ACER3: variants seen among roughly 807,000 people sequenced by gnomAD.
ACER3 encodes the protein alkaline ceramidase 3.
In ACER3, 16 loss-of-function variants were observed where a neutral mutation model predicts 48.9. The observed-to-expected ratio is 0.33, with a 90% CI of 0.22 to 0.50. The LOEUF (loss-of-function observed/expected upper bound fraction) is 0.50. Ranked by LOEUF, ACER3 falls within the 20% of genes least tolerant of loss-of-function variation. The probability of loss-of-function intolerance (pLI) is 0.98; values close to 1 mark genes in which losing one functional copy is unlikely to be tolerated. For synonymous variants in ACER3, 109 were observed against 107.8 expected (o/e 1.01, Z -0.07); for missense variants, 227 against 326.0 (o/e 0.70, Z 2.34).
In ACER3 at chr11:76,944,604, C is replaced by G. The variant is rs1417411312; in HGVS notation, c.215-14375C>G. Among the ~76,000 whole-genome samples the G allele has an allele frequency of 4.6e-5, 7 of 151,996 alleles. 1 individual carries two copies. The highest frequency in any genetic ancestry group is 2.0e-4 in the Admixed American group (3 of 15,254). On this transcript the variant is annotated intron_variant, in intron 2 of 10. Coordinates refer to ENST00000532485, the MANE Select transcript of ACER3 (RefSeq NM_018367.7). ...TTTGATGGGGTTTCCTTTATATTGACTAGATGCTTTTCTCTTACTAATTTT... is the reference window on the plus strand; with the variant it reads ...TTTGATGGGGTTTCCTTTATATTGAGTAGATGCTTTTCTCTTACTAATTTT...
intron 1 of ACER3, among the ~76,000 whole-genome samples, chr11:76,903,488 T>C (rs1334235029): frequency 2.3e-5 from 1 of 43,352 alleles, no homozygotes; most frequent in Non-Finnish European, 4.5e-5. Context: ...ACACCTTTTA[T>C]GGCCAAGGGG....
At chr11:76,992,812 AC>A (rs1034385456) in intron 6 of ACER3, among the ~76,000 whole-genome samples, 55 of 151,736 alleles carry the variant, frequency 3.6e-4, no homozygotes, top group African/African-American at 1.3e-3. Flanking sequence ...CTAACTGTAC[AC>A]CCTGGACAAG....
chr11:76,868,944 C>A (rs1035228166), intron 1 of ACER3, among the ~76,000 whole-genome samples: 2 of 152,242 alleles, frequency 1.3e-5, no homozygotes, highest in African/African-American at 4.8e-5. Flanking sequence ...ACAGAACCTC[C>A]TGTGCTCAGG....
intron 1 of ACER3, among the ~76,000 whole-genome samples, chr11:76,916,901 T>C (rs1285139640): frequency 6.6e-6 from 1 of 152,272 alleles, no homozygotes; most frequent in East Asian, 1.9e-4. Flanking sequence ...TAAAGCAGCA[T>C]TTTAGACCTG....
intron 2 of ACER3, among the ~76,000 whole-genome samples, chr11:76,934,053 G>A (rs1447559344): frequency 4.0e-5 from 6 of 151,836 alleles, no homozygotes; most frequent in South Asian, 2.1e-4. Flanking sequence ...GACAATGGGC[G>A]GCCGGGCAGA....
At chr11:76,968,545 C>G (rs1174820421) in intron 3 of ACER3, among the ~76,000 whole-genome samples, 1 of 152,154 alleles carries the variant, frequency 6.6e-6, no homozygotes, top group East Asian at 1.9e-4. Flanking sequence ...TCAAACTATA[C>G]TACAAGGCTA....
chr11:76,921,026 A>G (rs1287861095), intron 1 of ACER3, among the ~76,000 whole-genome samples: 2 of 152,240 alleles, frequency 1.3e-5, no homozygotes, highest in Non-Finnish European at 2.9e-5. Flanking sequence ...GCTAACATGT[A>G]TAGCTATATA....
rs142509075 is a variant in ACER3, at chr11:76,973,920, C to T, written c.268-2369C>T. On this transcript the variant is annotated intron_variant, in intron 3 of 10. Coordinates refer to ENST00000532485, the MANE Select transcript of ACER3 (RefSeq NM_018367.7). ...TATTTATGTGGTATGAGGTAGGGGT[C>T]TGGCTTCATTCTATAGTACTTGGAT... 2.4e-4 allele frequency among the ~76,000 whole-genome samples: 37 copies of T among 152,252 alleles called. 1 individual carries two copies. The highest frequency in any genetic ancestry group is 8.7e-4 in the African/African-American group (36 of 41,538).
chr11:77,019,416 G>A (rs1036215469), intron 9 of ACER3: 16 of 197,168 alleles, frequency 8.1e-5, no homozygotes, highest in Non-Finnish European at 1.1e-4. Context: ...CCGAGATTGC[G>A]CCACTGCACT....
intron 4 of ACER3, among the ~76,000 whole-genome samples, chr11:76,977,575 T>A (rs189555308): frequency 2.0e-5 from 3 of 152,298 alleles, no homozygotes; most frequent in Non-Finnish European, 4.4e-5. Context: ...GGCAAAAAAA[T>A]TACTAGCTTA....
chr11:77,017,955 T>G (rs1949402482), intron 9 of ACER3, among the ~76,000 whole-genome samples: 2 of 143,854 alleles, frequency 1.4e-5, no homozygotes, highest in African/African-American at 2.6e-5. Flanking sequence ...TTTTTTTTTT[T>G]TTTTTTTGGG....
At chr11:76,911,838 A>C (rs531349907) in intron 1 of ACER3, among the ~76,000 whole-genome samples, 5 of 152,278 alleles carry the variant, frequency 3.3e-5, no homozygotes, top group Admixed American at 6.5e-5. Context: ...ATCTGGGATT[A>C]GTGTGAGATT....
Position 76,902,749 on chromosome 11 carries a change from TG to T in ACER3, c.104-23806del, listed in dbSNP as rs538998561. Among the ~76,000 whole-genome samples the T allele has an allele frequency of 2.0e-5, 3 of 152,340 alleles. No individual in the cohort carries two copies. In the South Asian group the frequency reaches 6.2e-4, roughly 32 times the overall value. ...CTTTTTACTGCCATATGCAATTTAC[TG>T]GAGAGATGAACTGCTCACAGGGAGA... On this transcript the variant is annotated intron_variant, in intron 1 of 10. Coordinates refer to ENST00000532485, the MANE Select transcript of ACER3 (RefSeq NM_018367.7).
chr11:76,957,948 T>TA (rs1301898721), intron 2 of ACER3, among the ~76,000 whole-genome samples: 6 of 151,418 alleles, frequency 4.0e-5, no homozygotes, highest in Non-Finnish European at 7.4e-5. Flanking sequence ...TTTTATTTTT[T>TA]AATTTTATTA....
chr11:76,868,964 A>C (rs1400892645), intron 1 of ACER3, among the ~76,000 whole-genome samples: 1 of 152,224 alleles, frequency 6.6e-6, no homozygotes, highest in African/African-American at 2.4e-5. Flanking sequence ...GACCCTTCCA[A>C]ACCTGCCCCT....
At chr11:77,006,602 A>G (rs1490592830) in intron 7 of ACER3, among the ~76,000 whole-genome samples, 2 of 152,066 alleles carry the variant, frequency 1.3e-5, no homozygotes, top group African/African-American at 4.8e-5. Flanking sequence ...TATTTACTAT[A>G]TATAAAATTC....
intron 1 of ACER3, among the ~76,000 whole-genome samples, chr11:76,882,913 A>G (rs1290760352): frequency 3.3e-5 from 5 of 152,166 alleles, no homozygotes; most frequent in African/African-American, 1.2e-4. Flanking sequence ...AATCAGAGAC[A>G]TGGGCAGACA....
chr11:76,967,779 A>G (rs551810930), intron 3 of ACER3, among the ~76,000 whole-genome samples: 1 of 152,322 alleles, frequency 6.6e-6, no homozygotes, highest in Non-Finnish European at 1.5e-5. Flanking sequence ...TTAGGTATTG[A>G]TGGGACATAT....
intron 10 of ACER3, 66 bp from the exon 11 acceptor site, chr11:77,020,208 C>G: frequency 6.4e-7 from 1 of 1,550,418 alleles, no homozygotes; most frequent in Non-Finnish European, 8.9e-7. Context: ...CTTTCTCATT[C>G]TTTTTCAGGG....
Sources: gnomAD v4.1 joint callset for allele counts (sites outside exome capture counted in the v4.1 genomes callset) on GRCh38, gnomAD v4.1.1 for gene constraint, MANE v1.5 for transcripts, NCBI Gene and HGNC (gene_info 2026-07-23, HGNC 2026-07-21) for gene names.